Variants in PDZRN3 observed in about 807,000 individuals in gnomAD.
The protein encoded by PDZRN3 is PDZ domain containing ring finger 3.
PDZRN3 carries 38 observed loss-of-function variants against 85.7 expected under a neutral mutation model. The observed-to-expected ratio is 0.44, with a 90% CI of 0.34 to 0.58. The LOEUF is 0.58. Among genes scored for constraint, PDZRN3 ranks in the 20% least tolerant of loss-of-function variants. The pLI, the probability that PDZRN3 is intolerant of heterozygous loss-of-function variation, is 0.01. For synonymous variants in PDZRN3, 759 were observed against 638.0 expected (o/e 1.19, Z -2.86); for missense variants, 1,629 against 1,506.4 (o/e 1.08, Z -1.35).
chr3:73,474,574 G>C, intron 3 of PDZRN3: 1 of 1,282,934 alleles, frequency 7.8e-7, no homozygotes, highest in Non-Finnish European at 1.0e-6. Flanking sequence ...GCAGCCTGCA[G>C]GTCCGCAGTT....
At chr3:73,562,830 C>T (rs1054351211) in intron 3 of PDZRN3, among the ~76,000 whole-genome samples, 4 of 151,438 alleles carry the variant, frequency 2.6e-5, no homozygotes, top group African/African-American at 9.7e-5. Context: ...CCAAGATGCA[C>T]TTCTCACATT....
chr3:73,585,397 T>C (rs927185928), intron 3 of PDZRN3, among the ~76,000 whole-genome samples: 2 of 152,190 alleles, frequency 1.3e-5, no homozygotes, highest in Non-Finnish European at 2.9e-5. Context: ...TTTTGGCAGA[T>C]AGCTAACAAT....
intron 3 of PDZRN3, among the ~76,000 whole-genome samples, chr3:73,476,039 T>TA (rs1348914764): frequency 1.3e-5 from 2 of 152,196 alleles, no homozygotes; most frequent in Non-Finnish European, 2.9e-5. Context: ...GAATGTGATT[T>TA]AACATTCTTA....
chr3:73,423,366 G>A (rs1702240163), intron 3 of PDZRN3, among the ~76,000 whole-genome samples: 1 of 152,234 alleles, frequency 6.6e-6, no homozygotes, highest in African/African-American at 2.4e-5. Context: ...AAACAGGAAT[G>A]TGTCTGTGTT....
At chr3:73,587,178 T>C (rs1267700895) in intron 3 of PDZRN3, among the ~76,000 whole-genome samples, 1 of 152,184 alleles carries the variant, frequency 6.6e-6, no homozygotes, top group East Asian at 1.9e-4. Flanking sequence ...ATGAAATCAA[T>C]GTAGTGAGTG....
intron 3 of PDZRN3, among the ~76,000 whole-genome samples, chr3:73,449,794 T>C (rs551075044): frequency 2.6e-5 from 4 of 152,328 alleles, no homozygotes; most frequent in Non-Finnish European, 4.4e-5. Flanking sequence ...AAGAATATAT[T>C]GCCTCCCTTA....
At chr3:73,416,891 T>TTTTTTTTTTTTG (rs1702100117) in intron 3 of PDZRN3, among the ~76,000 whole-genome samples, 1 of 139,156 alleles carries the variant, frequency 7.2e-6, no homozygotes, top group African/African-American at 2.8e-5. Context: ...TTTTTTTTTT[T>TTTTTTTTTTTTG]TTTTTTTTTT....
At chr3:73,439,156 A>T (rs557809165) in intron 3 of PDZRN3, among the ~76,000 whole-genome samples, 1 of 152,206 alleles carries the variant, frequency 6.6e-6, no homozygotes, top group Non-Finnish European at 1.5e-5. Context: ...ACCAGGCCTC[A>T]GTCAGCGGTA....
intron 3 of PDZRN3, chr3:73,569,356 G>A (rs907324845): frequency 1.7e-5 from 21 of 1,206,060 alleles, no homozygotes; most frequent in Non-Finnish European, 2.2e-5. Flanking sequence ...AATCTTTAGT[G>A]AGGAGGCTGG....
In PDZRN3 at chr3:73,573,437, T is replaced by C. The variant is rs61063557; in HGVS notation, c.918+28917A>G. ...ACTTTCTAGCAGAGGTTAACACACG[T>C]CACTCACCAGGTCATATTTGTCCCA... On this transcript the variant is annotated intron_variant, in intron 3 of 9. Transcript: ENST00000263666. Among the ~76,000 whole-genome samples the C allele has an allele frequency of 1.2e-3, 178 of 152,292 alleles. 1 individual carries two copies. The highest frequency in any genetic ancestry group is 4.0e-3 in the African/African-American group (165 of 41,552).
At chr3:73,586,150 G>A (rs1475378975) in intron 3 of PDZRN3, among the ~76,000 whole-genome samples, 2 of 152,048 alleles carry the variant, frequency 1.3e-5, no homozygotes, top group Admixed American at 1.3e-4. Context: ...GCAAAATCAG[G>A]GATTCCTCAC....
chr3:73,460,215 G>C (rs1559691314), intron 3 of PDZRN3, among the ~76,000 whole-genome samples: 2 of 152,118 alleles, frequency 1.3e-5, no homozygotes, highest in African/African-American at 4.8e-5. Flanking sequence ...AATAGCAAAA[G>C]AAAAAAGTCT....
intron 3 of PDZRN3, among the ~76,000 whole-genome samples, chr3:73,426,951 C>T (rs1284540670): frequency 6.6e-6 from 1 of 152,200 alleles, no homozygotes; most frequent in Non-Finnish European, 1.5e-5. Flanking sequence ...TCAAGACCAG[C>T]ATGCAGCACA....
chr3:73,532,289 C>T (rs181068526), intron 3 of PDZRN3, among the ~76,000 whole-genome samples: 7 of 152,222 alleles, frequency 4.6e-5, no homozygotes, highest in Admixed American at 6.5e-5. Flanking sequence ...GCGTGAGGTA[C>T]GACGCCCAGC....
chr3:73,422,388 T>A (rs1223838782), intron 3 of PDZRN3, among the ~76,000 whole-genome samples: 1 of 152,226 alleles, frequency 6.6e-6, no homozygotes, highest in Non-Finnish European at 1.5e-5. Flanking sequence ...TCTATACTTT[T>A]AAGGGGCTGT....
intron 5 of PDZRN3, among the ~76,000 whole-genome samples, chr3:73,391,636 A>G (rs1169107369): frequency 6.6e-6 from 1 of 152,236 alleles, no homozygotes; most frequent in African/African-American, 2.4e-5. Flanking sequence ...AACAGCTGTG[A>G]TATTTACAGT....
chr3:73,398,494 G>A (rs774818048), intron 5 of PDZRN3, among the ~76,000 whole-genome samples: 1 of 152,198 alleles, frequency 6.6e-6, no homozygotes, highest in Admixed American at 6.5e-5. Context: ...CCAAGTTTCT[G>A]TAGTTCCCAC....
chr3:73,510,780 T>C (rs1203991769), intron 3 of PDZRN3, among the ~76,000 whole-genome samples: 1 of 152,140 alleles, frequency 6.6e-6, no homozygotes, highest in African/African-American at 2.4e-5. Flanking sequence ...TAAATACATA[T>C]GATAAAGTTT....
At position 73,624,094 on chromosome 3, in the gene PDZRN3, GGCGCCTACCTT is replaced by G; in HGVS notation, c.721_723+8del. ...TGGCTGGAGGTCGGGGCGGGCAGCA[GGCGCCTACCTT>G]GCCGCCGGGCGGCGCGGCCACGCAG... On this transcript the variant is annotated splice_donor_variant and splice_donor_5th_base_variant and coding_sequence_variant and intron_variant, in exon 1 of 10. Transcript: ENST00000263666. LOFTEE classifies it high-confidence loss of function. 2.8e-6 allele frequency: 4 copies of G among 1,440,174 alleles called. No individual in the cohort carries two copies. Among genetic ancestry groups the G allele is most frequent in the Non-Finnish European group, 3.6e-6 (4 of 1,105,708 alleles). 89.2% of individuals were successfully genotyped at this position (1,440,174 alleles called of 1,614,324 possible).
Sources: gnomAD v4.1 joint callset for allele counts (sites outside exome capture counted in the v4.1 genomes callset) on GRCh38, gnomAD v4.1.1 for gene constraint, MANE v1.5 for transcripts, NCBI Gene and HGNC (gene_info 2026-07-23, HGNC 2026-07-21) for gene names.